Variants in ATP6V0E1 observed in about 807,000 individuals in gnomAD.
ATP6V0E1 encodes the protein ATPase H+ transporting V0 subunit e1, also known as V-type proton ATPase subunit e 1.
Under a neutral mutation model 11.6 loss-of-function variants are expected in ATP6V0E1, and 4 were observed. The observed-to-expected ratio is 0.35, with a 90% confidence interval of 0.17 to 0.79. The LOEUF (loss-of-function observed/expected upper bound fraction) is 0.79, where lower values mean the gene tolerates loss of function less well. ATP6V0E1 is among the 30% of genes least tolerant of loss of function. The pLI is 0.54. For missense variants in ATP6V0E1, 105 were observed against 100.0 expected (o/e 1.05, Z -0.21); for synonymous variants, 36 against 34.8 (o/e 1.04, Z -0.13).
intron 2 of ATP6V0E1, among the ~76,000 whole-genome samples, chr5:173,011,744 C>T (rs1267995354): frequency 2.0e-5 from 3 of 152,080 alleles, no homozygotes; most frequent in African/African-American, 7.2e-5. Flanking sequence ...TAAGGCTGGC[C>T]CTCAGGTTAT....
At chr5:173,014,293 GA>G (rs1756372151) in intron 2 of ATP6V0E1, among the ~76,000 whole-genome samples, 1 of 151,716 alleles carries the variant, frequency 6.6e-6, no homozygotes, top group Non-Finnish European at 1.5e-5. Context: ...AACCAGTATA[GA>G]AAATGGTATG....
chr5:172,993,683 C>CCCA (rs1756018201), intron 1 of ATP6V0E1, among the ~76,000 whole-genome samples: 1 of 114,756 alleles, frequency 8.7e-6, no homozygotes, highest in South Asian at 4.2e-4. Flanking sequence ...ATTGAGACCC[C>CCCA]CCCCCCCGAC....
chr5:173,030,921 G>GTATTTATT (rs33921331), intron 3 of ATP6V0E1, among the ~76,000 whole-genome samples: 6,761 of 141,854 alleles, frequency 0.048, 205 homozygotes, highest in African/African-American at 0.051. Flanking sequence ...GCTAATTTTT[G>GTATTTATT]TATTTATTTA....
chr5:173,024,763 A>C (rs1404268709), intron 3 of ATP6V0E1, among the ~76,000 whole-genome samples: 2 of 152,114 alleles, frequency 1.3e-5, no homozygotes, highest in Non-Finnish European at 2.9e-5. Context: ...TTCAGATGAA[A>C]AATAATCTTA....
chr5:172,989,185 T>A (rs528769689), intron 1 of ATP6V0E1, among the ~76,000 whole-genome samples: 3 of 152,228 alleles, frequency 2.0e-5, no homozygotes, highest in East Asian at 1.9e-4. Flanking sequence ...AACAATTTTT[T>A]AAAAATTACC....
chr5:173,009,541 T>C (rs1390143842), intron 2 of ATP6V0E1, among the ~76,000 whole-genome samples: 1 of 146,328 alleles, frequency 6.8e-6, no homozygotes, highest in Non-Finnish European at 1.5e-5. Flanking sequence ...CTTGGCTCAC[T>C]GCAACCTCTG....
intron 3 of ATP6V0E1, among the ~76,000 whole-genome samples, chr5:173,023,883 G>A (rs2113611014): frequency 1.3e-5 from 2 of 151,824 alleles, no homozygotes; most frequent in South Asian, 4.2e-4. Context: ...TCATCAACAG[G>A]ATGATCTAAT....
At chr5:172,993,102 G>A (rs1349325469) in intron 1 of ATP6V0E1, among the ~76,000 whole-genome samples, 1 of 152,146 alleles carries the variant, frequency 6.6e-6, no homozygotes, top group Non-Finnish European at 1.5e-5. Flanking sequence ...CCGGCCACAA[G>A]GCAGTGGTTT....
intron 2 of ATP6V0E1, 37 bp downstream of exon 2, chr5:172,994,859 TTG>T (rs1389398003): frequency 6.6e-7 from 1 of 1,504,896 alleles, no homozygotes; most frequent in African/African-American, 1.4e-5. Flanking sequence ...TTCTTGGTAT[TTG>T]TAGTGTGTGC....
At chr5:172,987,117 C>A in intron 1 of ATP6V0E1, 1 of 209,648 alleles carries the variant, frequency 4.8e-6, no homozygotes, top group Non-Finnish European at 9.9e-6. Flanking sequence ...AAAAGAGGAG[C>A]AGAAGAAACT....
chr5:173,016,829 C>G (rs1027597529), intron 2 of ATP6V0E1, among the ~76,000 whole-genome samples: 2 of 152,170 alleles, frequency 1.3e-5, no homozygotes, highest in African/African-American at 4.8e-5. Flanking sequence ...TGAACCTCAA[C>G]TACAAGTCTT....
At chr5:172,988,578 A>G (rs17661739) in intron 1 of ATP6V0E1, among the ~76,000 whole-genome samples, 6,919 of 152,252 alleles carry the variant, frequency 0.045, 197 homozygotes, top group South Asian at 0.11. Context: ...GGGGATTTTA[A>G]AAAAAGGAAA....
intron 3 of ATP6V0E1, among the ~76,000 whole-genome samples, chr5:173,023,707 A>G (rs147676238): frequency 0.014 from 2,071 of 152,152 alleles, 48 homozygotes; most frequent in African/African-American, 0.047. Context: ...TAGCCAGGCA[A>G]GGTGGTGCAC....
At chr5:173,013,480 C>CAGG (rs1033398513) in intron 2 of ATP6V0E1, among the ~76,000 whole-genome samples, 139 of 148,386 alleles carry the variant, frequency 9.4e-4, no homozygotes, top group African/African-American at 3.3e-3. Flanking sequence ...GAGGCTGAGG[C>CAGG]AGGAGAATGG....
chr5:173,032,358 G>A (rs1246589764), intron 3 of ATP6V0E1, among the ~76,000 whole-genome samples: 1 of 151,176 alleles, frequency 6.6e-6, no homozygotes, highest in Non-Finnish European at 1.5e-5. Flanking sequence ...TGTGATCTCA[G>A]CTCACTGCAA....
At chr5:173,028,261 A>T (rs1329237355) in intron 3 of ATP6V0E1, among the ~76,000 whole-genome samples, 1 of 152,192 alleles carries the variant, frequency 6.6e-6, no homozygotes, top group East Asian at 1.9e-4. Context: ...ACATCAAGAG[A>T]TCTAATCTCT....
At chr5:173,002,917 G>T (rs745684140) in intron 2 of ATP6V0E1, among the ~76,000 whole-genome samples, 10 of 151,764 alleles carry the variant, frequency 6.6e-5, no homozygotes, top group Non-Finnish European at 1.0e-4. Flanking sequence ...GGGGACAGGG[G>T]TATCCCACCT....
chr5:173,032,330 C>T (rs1012324276), intron 3 of ATP6V0E1, among the ~76,000 whole-genome samples: 12 of 150,856 alleles, frequency 8.0e-5, no homozygotes, highest in African/African-American at 2.9e-4. Flanking sequence ...CTCTGTCACC[C>T]AGGCTGGAGT....
At chr5:172,995,821 C>T (rs1756056828) in intron 2 of ATP6V0E1, among the ~76,000 whole-genome samples, 1 of 152,028 alleles carries the variant, frequency 6.6e-6, no homozygotes, top group Non-Finnish European at 1.5e-5. Flanking sequence ...ACTGTGTTAC[C>T]CAGGCTGGTC....
Sources: gnomAD v4.1 joint callset for allele counts (sites outside exome capture counted in the v4.1 genomes callset) on GRCh38, gnomAD v4.1.1 for gene constraint, MANE v1.5 for transcripts, NCBI Gene and HGNC (gene_info 2026-07-23, HGNC 2026-07-21) for gene names.